SETX: variants seen among roughly 807,000 people sequenced by gnomAD.
SETX encodes the protein helicase senataxin.
In SETX, 90 loss-of-function variants were observed where a neutral mutation model predicts 227.2. The ratio of observed to expected loss-of-function variants is 0.40; its 90% CI spans 0.33 to 0.47. The LOEUF is 0.47. Among genes scored for constraint, SETX ranks in the 20% least tolerant of loss-of-function variants. SETX has a pLI of 0.91. For synonymous variants in SETX, 1,210 were observed against 1,113.2 expected (o/e 1.09, Z -1.73); for missense variants, 3,052 against 3,181.5 (o/e 0.96, Z 0.98).
In SETX at chr9:132,294,080, T is replaced by G. The variant is rs991593836; in HGVS notation, c.6106+1792A>C. ...ACCTAGACACCTCGTTTGCCTCACC[T>G]TAGTCCTGGCCCGGCTGTGCAGTCA... On this transcript the variant is annotated intron_variant, in intron 15 of 25. Coordinates refer to ENST00000224140, the MANE Select transcript of SETX (RefSeq NM_015046.7). 2.6e-5 allele frequency among the ~76,000 whole-genome samples: 4 copies of G among 152,182 alleles called. No individual in the cohort carries two copies. In the Middle Eastern group the frequency reaches 0.01, roughly 388 times the overall value.
intron 15 of SETX, among the ~76,000 whole-genome samples, chr9:132,295,570 AGG>A (rs1844620399): frequency 6.6e-6 from 1 of 152,178 alleles, no homozygotes; most frequent in Non-Finnish European, 1.5e-5. Context: ...GGTCCCCCTA[AGG>A]TGTGTGGAAC....
chr9:132,299,536 A>G (rs533645861), intron 12 of SETX, among the ~76,000 whole-genome samples: 1 of 152,256 alleles, frequency 6.6e-6, no homozygotes, highest in Non-Finnish European at 1.5e-5. Flanking sequence ...AATGCAGTAC[A>G]ATGTTGACAC....
At chr9:132,266,600 C>T (rs962972805) in intron 25 of SETX, among the ~76,000 whole-genome samples, 1 of 151,964 alleles carries the variant, frequency 6.6e-6, no homozygotes, top group African/African-American at 2.4e-5. Context: ...GGTGAAACCC[C>T]GTCTCTACTA....
chr9:132,299,178 C>A (rs962338647), intron 12 of SETX, among the ~76,000 whole-genome samples: 17 of 152,258 alleles, frequency 1.1e-4, no homozygotes, highest in African/African-American at 3.9e-4. Context: ...TGGATAACTC[C>A]AAGGTTTTTG....
intron 25 of SETX, among the ~76,000 whole-genome samples, chr9:132,268,801 A>T (rs568367784): frequency 3.9e-5 from 6 of 152,312 alleles, no homozygotes; most frequent in African/African-American, 1.4e-4. Flanking sequence ...TAAAAATAGG[A>T]GGTACATAAA....
At position 132,311,786 on chromosome 9, in the gene SETX, G is replaced by A; in HGVS notation, c.5345C>T (p.Ala1782Val). 6.2e-7 allele frequency: 1 copy of A among 1,613,242 alleles called. No homozygotes were observed. The highest frequency in any genetic ancestry group is 8.5e-7 in the Non-Finnish European group (1 of 1,179,630). The change falls in exon 11 of 26, where the codon GCC (alanine) becomes GTC (valine). Residue 1782 changes from alanine (A) to valine (V), a missense_variant. Coordinates refer to ENST00000224140, the MANE Select transcript of SETX (RefSeq NM_015046.7). ...FYQLQVRKFP[A>V]DYIKYWEFAV... ...AAACTCCCAGTATTTTATATAATCG[G>A]CAGGAAATTTTCGTACTTGCAACTG...
intron 11 of SETX, among the ~76,000 whole-genome samples, chr9:132,311,551 T>C (rs1446022312): frequency 6.6e-6 from 1 of 152,128 alleles, no homozygotes; most frequent in Non-Finnish European, 1.5e-5. Flanking sequence ...GTATTCTAAC[T>C]ACAGAGTGGG....
rs773068299 is a variant in SETX, at chr9:132,328,561, C to T, written c.3037G>A (p.Val1013Ile). 5.0e-6 allele frequency: 8 copies of T among 1,613,892 alleles called. No homozygotes were observed. The highest frequency in any genetic ancestry group is 1.7e-5 in the Admixed American group (1 of 59,988). ...NNVGDTSRGQ[V>I]IIISDSDDDD... is the part of the protein sequence containing the mutation. ...TCATCAGAATCTGAAATAATAATAACCTGTCCACGGGAGGTATCTCCAACA... is the reference window on the plus strand; with the variant it reads ...TCATCAGAATCTGAAATAATAATAATCTGTCCACGGGAGGTATCTCCAACA... Residue 1013 changes from valine to isoleucine, a missense_variant, in exon 10 of 26, where the codon GTT (valine) becomes ATT (isoleucine). Physicochemically the swap from Val to Ile is conservative, Grantham distance 29 (BLOSUM62 3). Coordinates refer to ENST00000224140, the MANE Select transcript of SETX (RefSeq NM_015046.7).
chr9:132,334,879 C>T, intron 6 of SETX, 152 bp from the exon 7 acceptor site: 2 of 804,620 alleles, frequency 2.5e-6, no homozygotes, highest in Non-Finnish European at 4.0e-6. Flanking sequence ...TACACAACTG[C>T]TCCCAAGTAA....
chr9:132,265,175 C>T (rs930661444), intron 25 of SETX, among the ~76,000 whole-genome samples, 190 bp from the exon 26 acceptor site: 2 of 143,760 alleles, frequency 1.4e-5, no homozygotes, highest in African/African-American at 5.4e-5. Flanking sequence ...AAGTCCCATT[C>T]CTAAAAATAA....
At chr9:132,273,077 G>GA (rs1453281084) in intron 23 of SETX, among the ~76,000 whole-genome samples, 1 of 150,148 alleles carries the variant, frequency 6.7e-6, no homozygotes, top group Non-Finnish European at 1.5e-5. Flanking sequence ...TACTAAAAAT[G>GA]AAAAAACACA....
chr9:132,313,081 T>C (rs1217396247), intron 10 of SETX, among the ~76,000 whole-genome samples: 2 of 152,102 alleles, frequency 1.3e-5, no homozygotes, highest in African/African-American at 4.8e-5. Flanking sequence ...GGGCTAGTGG[T>C]AGGAATGAAG....
chr9:132,336,737 A>T (rs1469723666), intron 5 of SETX, among the ~76,000 whole-genome samples: 1 of 152,260 alleles, frequency 6.6e-6, no homozygotes, highest in African/African-American at 2.4e-5. Flanking sequence ...CTGGCAAGAC[A>T]ACATTAAGTA....
chr9:132,352,650 T>C (rs560708547), intron 2 of SETX, among the ~76,000 whole-genome samples: 8 of 151,924 alleles, frequency 5.3e-5, no homozygotes, highest in East Asian at 3.9e-4. Context: ...ACTGGGGAGG[T>C]TGAGTGAAAT....
chr9:132,352,078 TG>T, intron 2 of SETX, among the ~76,000 whole-genome samples: 1 of 152,348 alleles, frequency 6.6e-6, no homozygotes, highest in East Asian at 1.9e-4. Flanking sequence ...GCTAAACATC[TG>T]GAAGTTTAGA....
chr9:132,299,544 C>T (rs1844863638), intron 12 of SETX, among the ~76,000 whole-genome samples: 1 of 152,176 alleles, frequency 6.6e-6, no homozygotes, highest in Admixed American at 6.5e-5. Flanking sequence ...ACAATGTTGA[C>T]ACACTTTATT....
intron 23 of SETX, among the ~76,000 whole-genome samples, chr9:132,273,164 G>GTT (rs143471335): frequency 4.7e-5 from 7 of 149,348 alleles, no homozygotes; most frequent in East Asian, 2.0e-4. Flanking sequence ...TATTTAGGTG[G>GTT]TTTTTTTTTT....
At chr9:132,293,956 G>T (rs1182616813) in intron 15 of SETX, among the ~76,000 whole-genome samples, 2 of 152,142 alleles carry the variant, frequency 1.3e-5, no homozygotes, top group Middle Eastern at 3.4e-3. Flanking sequence ...CCTGAGAGGC[G>T]GAGCTTGCAG....
chr9:132,326,611 A>G lies in SETX; in HGVS notation c.4987T>C (p.Ser1663Pro). 2 of 1,614,190 alleles carry G rather than the reference A, an allele frequency of 1.2e-6. No individual in the cohort carries two copies. Among genetic ancestry groups the G allele is most frequent in the Non-Finnish European group, 8.5e-7 (1 of 1,180,044 alleles). Residue 1663 changes from serine to proline, a missense_variant, in exon 10 of 26, where the codon TCT (serine) becomes CCT (proline). Ser to Pro is a moderately conservative substitution (Grantham distance 74, BLOSUM62 -1). Coordinates refer to ENST00000224140, the MANE Select transcript of SETX (RefSeq NM_015046.7). Reference sequence around the variant, plus strand: ...CCTTGCCTGTTGGAATTATTCGGAGACTGAGGATGAAGAACATTGCACGAA... The same window carrying G: ...CCTTGCCTGTTGGAATTATTCGGAGGCTGAGGATGAAGAACATTGCACGAA... ...KNSCNVLHPQ[S>P]PNNSNRQGCK...
Sources: allele counts gnomAD v4.1 joint callset (sites outside exome capture counted in the v4.1 genomes callset), GRCh38; gene constraint gnomAD v4.1.1; transcripts MANE v1.5; gene names NCBI Gene and HGNC (gene_info 2026-07-23, HGNC 2026-07-21).